Variants in ZNF385D observed in about 807,000 individuals in gnomAD.
ZNF385D encodes zinc finger protein 659.
A neutral mutation model predicts 35.8 loss-of-function variants in ZNF385D; 15 were observed. The ratio of observed to expected loss-of-function variants is 0.42; its 90% CI spans 0.28 to 0.64. ZNF385D has a LOEUF of 0.64. Among genes scored for constraint, ZNF385D ranks in the 30% least tolerant of loss-of-function variants. ZNF385D has a pLI of 0.23. For synonymous variants in ZNF385D, 212 were observed against 186.8 expected (o/e 1.13, Z -1.10); for missense variants, 474 against 494.6 (o/e 0.96, Z 0.39).
chr3:21,507,237 G>A lies in ZNF385D; in HGVS notation c.439+3624C>T, dbSNP rs539174915. ...CGCCAAATCAATTTTCTAATTAAAGGCCATACCATTTCTTCCCCTTTTCAC... is the reference window on the plus strand; with the variant it reads ...CGCCAAATCAATTTTCTAATTAAAGACCATACCATTTCTTCCCCTTTTCAC... On this transcript the variant is annotated intron_variant, in intron 4 of 7. Transcript: ENST00000281523. 1.6e-4 allele frequency among the ~76,000 whole-genome samples: 24 copies of A among 152,012 alleles called. 1 individual carries two copies. The South Asian group carries it at 5.0e-3, about 32-fold the overall frequency.
chr3:22,138,343 G>A (rs1412498159), intron 3 of ZNF385D, among the ~76,000 whole-genome samples: 1 of 152,112 alleles, frequency 6.6e-6, no homozygotes, highest in African/African-American at 2.4e-5. Flanking sequence ...AATCAAAATA[G>A]AACCCGCATT....
intron 3 of ZNF385D, among the ~76,000 whole-genome samples, chr3:21,951,151 C>A (rs1200380769): frequency 2.0e-5 from 3 of 151,764 alleles, no homozygotes; most frequent in Non-Finnish European, 2.9e-5. Flanking sequence ...TGGCCATTTT[C>A]ATGATACTGA....
At chr3:21,541,703 A>G (rs866011962) in intron 3 of ZNF385D, among the ~76,000 whole-genome samples, 1 of 152,242 alleles carries the variant, frequency 6.6e-6, no homozygotes. Flanking sequence ...ATAACAAAAT[A>G]TAACAAAAAA....
intron 2 of ZNF385D, among the ~76,000 whole-genome samples, chr3:22,341,315 T>G (rs946533212): frequency 6.6e-6 from 1 of 152,214 alleles, no homozygotes; most frequent in Non-Finnish European, 1.5e-5. Flanking sequence ...AAACTTGTTT[T>G]GGGACACAAT....
intron 3 of ZNF385D, among the ~76,000 whole-genome samples, chr3:22,072,209 T>A (rs1253290460): frequency 1.3e-5 from 2 of 152,046 alleles, no homozygotes; most frequent in African/African-American, 4.8e-5. Flanking sequence ...AAGCAGAATC[T>A]GAAAAAGGAT....
intron 2 of ZNF385D, among the ~76,000 whole-genome samples, chr3:22,177,999 G>C (rs993285242): frequency 7.9e-5 from 12 of 152,166 alleles, no homozygotes; most frequent in African/African-American, 2.9e-4. Context: ...GGACATTTGG[G>C]TTGGTTCCAA....
intron 2 of ZNF385D, among the ~76,000 whole-genome samples, chr3:21,568,270 G>A (rs1168376102): frequency 6.6e-6 from 1 of 152,032 alleles, no homozygotes; most frequent in Non-Finnish European, 1.5e-5. Context: ...AACCAGTTCT[G>A]TTATAAATAG....
At chr3:22,048,541 A>G (rs1699148434) in intron 3 of ZNF385D, among the ~76,000 whole-genome samples, 1 of 152,174 alleles carries the variant, frequency 6.6e-6, no homozygotes, top group Non-Finnish European at 1.5e-5. Flanking sequence ...CTTTGTTGAA[A>G]ATCAATTGAC....
At chr3:22,186,135 T>C (rs1025566096) in intron 2 of ZNF385D, among the ~76,000 whole-genome samples, 11 of 152,202 alleles carry the variant, frequency 7.2e-5, no homozygotes, top group African/African-American at 2.7e-4. Flanking sequence ...GCAAGTTTAC[T>C]TCACGTAATT....
intron 1 of ZNF385D, among the ~76,000 whole-genome samples, chr3:21,722,575 C>G (rs971257443): frequency 2.6e-5 from 4 of 152,228 alleles, no homozygotes; most frequent in Non-Finnish European, 5.9e-5. Context: ...GTGGGCGCCA[C>G]AGTGCCTCTG....
chr3:21,923,169 G>A (rs1700559909), intron 3 of ZNF385D, among the ~76,000 whole-genome samples: 1 of 152,008 alleles, frequency 6.6e-6, no homozygotes, highest in Non-Finnish European at 1.5e-5. Context: ...ATCTCCTAAT[G>A]CTATCCCTCC....
chr3:22,062,010 T>G (rs922804426), intron 3 of ZNF385D, among the ~76,000 whole-genome samples: 1 of 152,188 alleles, frequency 6.6e-6, no homozygotes, highest in African/African-American at 2.4e-5. Flanking sequence ...AAAATAATTT[T>G]AAACATGGAA....
intron 4 of ZNF385D, among the ~76,000 whole-genome samples, chr3:21,446,841 A>C (rs986605264): frequency 6.6e-6 from 1 of 152,140 alleles, no homozygotes; most frequent in Non-Finnish European, 1.5e-5. Context: ...CAAATGAGGA[A>C]GGATAGAGAC....
intron 3 of ZNF385D, among the ~76,000 whole-genome samples, chr3:22,012,872 T>G (rs775244857): frequency 6.6e-6 from 1 of 152,160 alleles, no homozygotes; most frequent in Non-Finnish European, 1.5e-5. Flanking sequence ...AGGTAAAACC[T>G]TGAGTTTCTC....
chr3:21,936,169 C>T (rs552809092), intron 3 of ZNF385D, among the ~76,000 whole-genome samples: 42 of 152,166 alleles, frequency 2.8e-4, no homozygotes, highest in African/African-American at 1.0e-3. Context: ...AGCCTCAGCC[C>T]TGCGTAACTA....
rs1223463782 is a variant in ZNF385D, at chr3:21,539,479, C to A, written c.276+25095G>T. ...GAAATTTTAATTTTTGTAATTAGGCCTTTTAATAGAAGGACATGACTTCTA... is the reference window on the plus strand; with the variant it reads ...GAAATTTTAATTTTTGTAATTAGGCATTTTAATAGAAGGACATGACTTCTA... On this transcript the variant is annotated intron_variant, in intron 3 of 7. Coordinates refer to ENST00000281523, the MANE Select transcript of ZNF385D (RefSeq NM_024697.3). This position sits in a 1 kb window ranked among gnomAD's most constrained non-coding sequence, Gnocchi z 4.0. Among the ~76,000 whole-genome samples, 1 of 152,068 alleles carries A rather than the reference C, an allele frequency of 6.6e-6. No homozygotes were observed. Among genetic ancestry groups the A allele is most frequent in the Admixed American group, 6.6e-5 (1 of 15,266 alleles).
At chr3:22,106,694 T>A (rs567948308) in intron 3 of ZNF385D, among the ~76,000 whole-genome samples, 2 of 152,172 alleles carry the variant, frequency 1.3e-5, no homozygotes, top group African/African-American at 2.4e-5. Flanking sequence ...TACTTGTTGG[T>A]TGTAACCCTT....
At chr3:21,625,882 A>C (rs1291955114) in intron 2 of ZNF385D, among the ~76,000 whole-genome samples, 1 of 152,120 alleles carries the variant, frequency 6.6e-6, no homozygotes, top group Non-Finnish European at 1.5e-5. Flanking sequence ...AAGTAGTCAA[A>C]GCGATTTGAA....
chr3:22,144,656 CATCATT>C (rs140275263), intron 3 of ZNF385D, among the ~76,000 whole-genome samples: 13,378 of 149,060 alleles, frequency 0.09, 794 homozygotes, highest in Middle Eastern at 0.18. Context: ...TTAAGTTAGT[CATCATT>C]AGTAGATATC....
Sources: allele counts gnomAD v4.1 joint callset (sites outside exome capture counted in the v4.1 genomes callset), GRCh38; gene constraint gnomAD v4.1.1; non-coding constraint Gnocchi (gnomAD v3.1); transcripts MANE v1.5; gene names NCBI Gene and HGNC (gene_info 2026-07-23, HGNC 2026-07-21).